SRP19: variants seen among roughly 807,000 people sequenced by gnomAD.
SRP19 encodes signal recognition particle 19.
In SRP19, 11 loss-of-function variants were observed where a neutral mutation model predicts 22.4. The observed-to-expected ratio is 0.49, with a 90% CI of 0.31 to 0.81. The LOEUF (loss-of-function observed/expected upper bound fraction) is 0.81. SRP19 is among the 40% of genes least tolerant of loss of function. The pLI, the probability that SRP19 is intolerant of heterozygous loss-of-function variation, is 0.05. For synonymous variants in SRP19, 61 were observed against 57.6 expected (o/e 1.06, Z -0.27); for missense variants, 168 against 175.9 (o/e 0.96, Z 0.25).
chr5:112,861,456 C>A (rs1189434871), intron 1 of SRP19, 39 bp downstream of exon 1: 1 of 1,605,772 alleles, frequency 6.2e-7, no homozygotes, highest in East Asian at 2.2e-5. Context: ...AAGGAAGGGG[C>A]TTGCTGTGGT....
At chr5:112,887,234 T>C (rs1426601562) in intron 4 of SRP19, 2 of 1,468,944 alleles carry the variant, frequency 1.4e-6, no homozygotes, top group South Asian at 1.4e-5. Context: ...AGGGGGCACA[T>C]TCTGAGAATA....
At chr5:112,864,269 C>T (rs1767513046) in intron 2 of SRP19, among the ~76,000 whole-genome samples, 188 bp from the exon 3 acceptor site, 1 of 152,132 alleles carries the variant, frequency 6.6e-6, no homozygotes, top group Non-Finnish European at 1.5e-5. Flanking sequence ...GAGATGGGCA[C>T]ACAGTTACGC....
chr5:112,891,445 A>G (rs1161742291), intron 4 of SRP19, among the ~76,000 whole-genome samples: 1 of 152,194 alleles, frequency 6.6e-6, no homozygotes. Flanking sequence ...CTTAATTACA[A>G]AAAAAGTCTA....
At chr5:112,862,429 T>C in intron 1 of SRP19, 79 bp from the exon 2 acceptor site, 1 of 1,263,362 alleles carries the variant, frequency 7.9e-7, no homozygotes, top group Non-Finnish European at 1.2e-6. Flanking sequence ...TGAATTGGCC[T>C]TTGGTTCCCT....
chr5:112,891,813 T>C (rs1213782480), exon 5 of SRP19: 2 of 1,594,650 alleles, frequency 1.3e-6, no homozygotes, highest in Non-Finnish European at 1.7e-6. Context: ...ACACTTTTAT[T>C]GAAGAACAAC....
At chr5:112,875,601 C>G (rs1767876356) in intron 4 of SRP19, among the ~76,000 whole-genome samples, 3 of 152,098 alleles carry the variant, frequency 2.0e-5, no homozygotes, top group Non-Finnish European at 4.4e-5. Context: ...CTCATGCACT[C>G]AAGCAATCCG....
chr5:112,895,382 T>G (rs936673583), downstream of SRP19: 1 of 152,152 alleles, frequency 6.6e-6, no homozygotes, highest in African/African-American at 2.4e-5. Context: ...AATAGAATAG[T>G]AGTATTACCA....
chr5:112,891,472 G>C (rs755835828), intron 4 of SRP19: 106 of 886,180 alleles, frequency 1.2e-4, no homozygotes, highest in Non-Finnish European at 1.7e-4. Flanking sequence ...ATATAAAGGA[G>C]AAACAAAATG....
downstream of SRP19, chr5:112,894,778 C>G (rs963087348): frequency 2.6e-5 from 4 of 152,150 alleles, no homozygotes; most frequent in Admixed American, 2.0e-4. Flanking sequence ...ACATGTAATA[C>G]ATTAAAATTT....
downstream of SRP19, chr5:112,893,944 T>C (rs1267998264): frequency 7.0e-6 from 1 of 142,042 alleles, no homozygotes; most frequent in African/African-American, 2.9e-5. Flanking sequence ...ACCTTGGTTT[T>C]TTTGAGATAC....
chr5:112,865,907 A>C (rs1767588430), intron 4 of SRP19, among the ~76,000 whole-genome samples: 1 of 152,102 alleles, frequency 6.6e-6, no homozygotes, highest in Non-Finnish European at 1.5e-5. Flanking sequence ...TTTTTAAAAT[A>C]GAGAGACAAG....
downstream of SRP19, chr5:112,896,054 G>C (rs940729861): frequency 2.0e-5 from 3 of 152,618 alleles, no homozygotes; most frequent in African/African-American, 7.2e-5. Flanking sequence ...TCCCAGGTAG[G>C]GGTATGCTTA....
intron 4 of SRP19, among the ~76,000 whole-genome samples, chr5:112,866,724 GAT>G (rs1440823767): frequency 6.6e-6 from 1 of 152,136 alleles, no homozygotes; most frequent in Non-Finnish European, 1.5e-5. Context: ...ATCATATTCT[GAT>G]ATGTTTTTTC....
chr5:112,865,814 G>A (rs761037682), intron 4 of SRP19, among the ~76,000 whole-genome samples: 1 of 152,098 alleles, frequency 6.6e-6, no homozygotes, highest in Non-Finnish European at 1.5e-5. Context: ...GAATGGTCTC[G>A]ATCTCTTGAC....
At chr5:112,885,512 T>C in intron 4 of SRP19, 1 of 217,426 alleles carries the variant, frequency 4.6e-6, no homozygotes. Flanking sequence ...CAGATGAGGG[T>C]AGAAGTTAGT....
downstream of SRP19, chr5:112,894,533 A>G (rs963056342): frequency 5.9e-5 from 9 of 152,220 alleles, no homozygotes; most frequent in African/African-American, 2.4e-5. Context: ...AAATGTCTTG[A>G]GTAACATTTT....
intron 4 of SRP19, chr5:112,891,525 C>G: frequency 6.3e-6 from 9 of 1,432,358 alleles, no homozygotes; most frequent in East Asian, 5.0e-5. Context: ...CAAAACAATA[C>G]TAGAAAACAT....
At position 112,879,992 on chromosome 5, in the gene SRP19, ATTG is replaced by A. The variant is rs538094481; in HGVS notation, c.302-11605_302-11603del. Among the ~76,000 whole-genome samples, 73 of 152,230 alleles carry A rather than the reference ATTG, an allele frequency of 4.8e-4. 1 individual carries two copies. The highest frequency in any genetic ancestry group is 1.5e-3 in the African/African-American group (64 of 41,550). ...CTAATGCAACATGAATGCTATATAA[ATTG>A]TTGTTATACTAAATTGTTTTTAAAA... On this transcript the variant is annotated intron_variant, in intron 4 of 4. Coordinates refer to the SRP19 transcript ENST00000391338.
downstream of SRP19, chr5:112,894,892 T>C (rs978526337): frequency 1.3e-5 from 2 of 152,172 alleles, no homozygotes; most frequent in Admixed American, 6.5e-5. Context: ...CAGATGTCCA[T>C]ATTAAAACCA....
Sources: allele counts gnomAD v4.1 joint callset (sites outside exome capture counted in the v4.1 genomes callset), GRCh38; gene constraint gnomAD v4.1.1; transcripts MANE v1.5; gene names NCBI Gene and HGNC (gene_info 2026-07-23, HGNC 2026-07-21).